Variants in NKAIN2 observed in about 807,000 individuals in gnomAD.
The protein encoded by NKAIN2 is sodium/potassium transporting ATPase interacting 2, also known as sodium/potassium-transporting ATPase subunit beta-1-interacting protein 2.
In NKAIN2, 14 loss-of-function variants were observed where a neutral mutation model predicts 32.6. The ratio of observed to expected loss-of-function variants is 0.43; its 90% CI spans 0.28 to 0.67. NKAIN2 has a LOEUF of 0.67. NKAIN2 is among the 30% of genes least tolerant of loss of function. NKAIN2 has a pLI of 0.17. For missense variants in NKAIN2, 198 were observed against 258.3 expected, an observed-to-expected ratio of 0.77 and a Z score of 1.60; for synonymous variants, 80 against 87.2, an observed-to-expected ratio of 0.92 and a Z score of 0.46.
At chr6:124,642,079 C>G (rs1210660538) in intron 3 of NKAIN2, among the ~76,000 whole-genome samples, 1 of 152,070 alleles carries the variant, frequency 6.6e-6, no homozygotes, top group Non-Finnish European at 1.5e-5. Context: ...AAGACTCTAA[C>G]AAAGTAGGAA....
chr6:124,747,720 T>G (rs1224535922), intron 4 of NKAIN2, among the ~76,000 whole-genome samples: 2 of 151,702 alleles, frequency 1.3e-5, no homozygotes, highest in Non-Finnish European at 2.9e-5. Context: ...TCCAAAGAAT[T>G]GGGCCCACAA....
At chr6:123,904,374 C>T (rs1006645499) in intron 1 of NKAIN2, among the ~76,000 whole-genome samples, 11 of 152,318 alleles carry the variant, frequency 7.2e-5, no homozygotes, top group African/African-American at 2.6e-4. Context: ...GGGCATAATG[C>T]CAGGTCATCT....
At chr6:124,384,695 A>G (rs1441996424) in intron 3 of NKAIN2, among the ~76,000 whole-genome samples, 3 of 152,094 alleles carry the variant, frequency 2.0e-5, no homozygotes, top group Non-Finnish European at 4.4e-5. Flanking sequence ...ATTATGGCTC[A>G]CTGCAGCCTC....
intron 3 of NKAIN2, among the ~76,000 whole-genome samples, chr6:124,570,131 G>T (rs1008956397): frequency 1.3e-5 from 2 of 152,140 alleles, no homozygotes; most frequent in African/African-American, 4.8e-5. Flanking sequence ...CGTTGATTTA[G>T]GGTACCTGGC....
At chr6:124,491,694 T>C (rs1777868854) in intron 3 of NKAIN2, among the ~76,000 whole-genome samples, 1 of 151,810 alleles carries the variant, frequency 6.6e-6, no homozygotes, top group Admixed American at 6.6e-5. Flanking sequence ...TTCAGCAAAA[T>C]CAATAAATCT....
chr6:124,427,931 C>T (rs915689222), intron 3 of NKAIN2, among the ~76,000 whole-genome samples: 14 of 152,040 alleles, frequency 9.2e-5, no homozygotes, highest in African/African-American at 3.4e-4. Context: ...AAATAAAATA[C>T]TTAAAATTAA....
chr6:124,449,068 A>T (rs1027196781), intron 3 of NKAIN2, among the ~76,000 whole-genome samples: 3 of 152,148 alleles, frequency 2.0e-5, no homozygotes, highest in Admixed American at 1.3e-4. Flanking sequence ...CCACACAAAC[A>T]TATAGAGAAT....
intron 1 of NKAIN2, among the ~76,000 whole-genome samples, chr6:124,024,733 A>G (rs968616957): frequency 6.6e-6 from 1 of 152,150 alleles, no homozygotes; most frequent in Admixed American, 6.6e-5. Flanking sequence ...TCATGCCTGT[A>G]ATCCCAGCAC....
At chr6:123,860,704 G>T (rs551666021) in intron 1 of NKAIN2, among the ~76,000 whole-genome samples, 2 of 152,156 alleles carry the variant, frequency 1.3e-5, no homozygotes, top group South Asian at 2.1e-4. Flanking sequence ...GCCACCATGC[G>T]TGGCAATAGT....
At chr6:124,816,140 G>A (rs1425859213) in intron 5 of NKAIN2, among the ~76,000 whole-genome samples, 1 of 152,108 alleles carries the variant, frequency 6.6e-6, no homozygotes, top group Non-Finnish European at 1.5e-5. Context: ...AAAAGTCCTG[G>A]TGGAATCTTA....
At chr6:124,022,174 T>G (rs1391797238) in intron 1 of NKAIN2, among the ~76,000 whole-genome samples, 1 of 152,046 alleles carries the variant, frequency 6.6e-6, no homozygotes, top group East Asian at 1.9e-4. Context: ...GATAGTTTGC[T>G]CAGAATGATG....
At position 124,106,988 on chromosome 6, in the gene NKAIN2, C is replaced by T. The variant is rs75092253; in HGVS notation, c.55-176017C>T. Among the ~76,000 whole-genome samples, 980 of 152,194 alleles carry T rather than the reference C, an allele frequency of 6.4e-3. 10 individuals carry two copies. The highest frequency in any genetic ancestry group is 0.021 in the African/African-American group (881 of 41,532). ...TTGGTGATAGGCACTATTAATAAAA[C>T]GAATGAAGTGGGTAGAAAGTGCCAA... On this transcript the variant is annotated intron_variant, in intron 1 of 6. Coordinates refer to ENST00000368417, the MANE Select transcript of NKAIN2 (RefSeq NM_001040214.3).
intron 4 of NKAIN2, among the ~76,000 whole-genome samples, chr6:124,784,663 G>A (rs868233783): frequency 4.2e-4 from 64 of 152,076 alleles, no homozygotes; most frequent in African/African-American, 1.3e-3. Context: ...ACTTTGGGGC[G>A]TTATGAATAG....
At chr6:124,187,674 T>C (rs1448339940) in intron 1 of NKAIN2, among the ~76,000 whole-genome samples, 1 of 152,172 alleles carries the variant, frequency 6.6e-6, no homozygotes, top group Non-Finnish European at 1.5e-5. Flanking sequence ...CTGTCTACCG[T>C]CCATTGCCTG....
intron 1 of NKAIN2, among the ~76,000 whole-genome samples, chr6:124,217,021 T>C (rs1791514767): frequency 6.6e-6 from 1 of 152,084 alleles, no homozygotes; most frequent in African/African-American, 2.4e-5. Flanking sequence ...AAATATAAAA[T>C]ACATAAAGTA....
intron 1 of NKAIN2, among the ~76,000 whole-genome samples, chr6:123,804,567 A>G (rs983690057): frequency 3.3e-5 from 5 of 152,182 alleles, no homozygotes; most frequent in Non-Finnish European, 7.3e-5. Flanking sequence ...CTATTCATGT[A>G]ACAACGTGAT....
intron 1 of NKAIN2, among the ~76,000 whole-genome samples, chr6:124,259,699 C>T (rs2753136): frequency 0.36 from 54,107 of 151,868 alleles, 12,115 homozygotes; most frequent in African/African-American, 0.63. Context: ...ACCTTTAAAA[C>T]TAAGCCCAAG....
intron 3 of NKAIN2, among the ~76,000 whole-genome samples, chr6:124,612,167 A>G (rs2114999361): frequency 6.6e-6 from 1 of 151,854 alleles, no homozygotes; most frequent in Non-Finnish European, 1.5e-5. Flanking sequence ...CTGAGTTTTT[A>G]TTTGAATCAC....
intron 3 of NKAIN2, among the ~76,000 whole-genome samples, chr6:124,524,607 A>T (rs1000471686): frequency 2.0e-5 from 3 of 152,172 alleles, no homozygotes; most frequent in Admixed American, 6.5e-5. Context: ...AAAGTAGGGC[A>T]TATGTTGTTA....
Sources: allele counts gnomAD v4.1 joint callset (sites outside exome capture counted in the v4.1 genomes callset), GRCh38; gene constraint gnomAD v4.1.1; transcripts MANE v1.5; gene names NCBI Gene and HGNC (gene_info 2026-07-23, HGNC 2026-07-21).